The following PCDHGA2 variants were observed in gnomAD, a reference collection of about 807,000 sequenced individuals.
The protein encoded by PCDHGA2 is protocadherin gamma-A2.
A neutral mutation model predicts 59.2 loss-of-function variants in PCDHGA2; 40 were observed. The ratio of observed to expected loss-of-function variants is 0.68; its 90% confidence interval spans 0.52 to 0.88. PCDHGA2 has a LOEUF of 0.88. PCDHGA2 is among the 40% of genes least tolerant of loss of function. PCDHGA2 has a pLI of 0.00. For synonymous variants in PCDHGA2, 560 were observed against 526.0 expected (o/e 1.06, Z -0.89); for missense variants, 1,226 against 1,204.0 (o/e 1.02, Z -0.27).
At chr5:141,419,413 C>T (rs568417008) in intron 1 of PCDHGA2, 4 of 1,613,444 alleles carry the variant, frequency 2.5e-6, no homozygotes, top group African/African-American at 1.3e-5. Flanking sequence ...TCGCGCAGCG[C>T]GCCTTCGACC....
At position 141,422,169 on chromosome 5, in the gene PCDHGA2, A is replaced by G. The variant is rs1386896405; in HGVS notation, c.2425-72638A>G. 2.6e-6 allele frequency: 4 copies of G among 1,563,898 alleles called. No homozygotes were observed. In the South Asian group the frequency reaches 4.9e-5, roughly 19 times the overall value. On this transcript the variant is annotated intron_variant, in intron 1 of 3. Coordinates refer to ENST00000394576, the MANE Select transcript of PCDHGA2 (RefSeq NM_018915.4). ...GGTCTCTGGATTTTGAAAAATATAG[A>G]TTCTATGAGATGGAAATTCAAGGCC...
chr5:141,379,798 G>C (rs890822360), intron 1 of PCDHGA2, among the ~76,000 whole-genome samples: 1 of 150,150 alleles, frequency 6.7e-6, no homozygotes, highest in African/African-American at 2.5e-5. Context: ...GCTATCTGAG[G>C]TTTTGAGAGT....
chr5:141,371,930 G>A (rs755224038), intron 1 of PCDHGA2: 5 of 1,613,242 alleles, frequency 3.1e-6, no homozygotes, highest in Non-Finnish European at 3.4e-6. Context: ...CGCGGAGCGG[G>A]GTGGTGTTCG....
intron 1 of PCDHGA2, among the ~76,000 whole-genome samples, chr5:141,359,515 G>T (rs1048749535): frequency 6.7e-6 from 1 of 149,788 alleles, no homozygotes; most frequent in Non-Finnish European, 1.5e-5. Context: ...ACTATATTAT[G>T]GGCCACTAGA....
rs1256415438 is a variant in PCDHGA2 at position 141,340,133 on chromosome 5, G to A, written c.1162G>A (p.Glu388Lys). Residue 388 changes from glutamate to lysine, a missense_variant, in exon 1 of 4, where the codon GAG (glutamate) becomes AAG (lysine). By Grantham distance (56) the Glu-to-Lys change is moderately conservative (BLOSUM62 1). Transcript: ENST00000394576. ...CGCATTCACCACCTGTTCACTCCCCGAGGATCTTCCTTTTAAGTTAGAAAA... is the reference window on the plus strand; with the variant it reads ...CGCATTCACCACCTGTTCACTCCCCAAGGATCTTCCTTTTAAGTTAGAAAA... ...QNAFTTCSLP[E>K]DLPFKLEKSV... 4.3e-6 allele frequency: 7 copies of A among 1,614,008 alleles called. No homozygotes were observed. The Admixed American group carries it at 6.7e-5, about 15-fold the overall frequency.
At chr5:141,403,119 C>T in intron 1 of PCDHGA2, 1 of 1,614,060 alleles carries the variant, frequency 6.2e-7, no homozygotes, top group Non-Finnish European at 8.5e-7. Flanking sequence ...GCTCTGGAGC[C>T]CCGGGAGCTG....
intron 1 of PCDHGA2, chr5:141,361,429 CT>C (rs1482973199): frequency 6.2e-6 from 10 of 1,613,948 alleles, no homozygotes; most frequent in Non-Finnish European, 8.5e-6. Context: ...CAAGCCGCCC[CT>C]CTCCTCCAGC....
chr5:141,432,652 C>T lies in PCDHGA2; in HGVS notation c.2425-62155C>T, dbSNP rs1004936183. On this transcript the variant is annotated intron_variant, in intron 1 of 3. Transcript: ENST00000394576. This position sits in a 1 kb window ranked among gnomAD's most constrained non-coding sequence, Gnocchi z 6.0. ...CGGGCGAGGTGCGCACGGCGCGAGC[C>T]CTGCTGGACAGAGACGCGCTCAAGC... The T allele has an allele frequency of 6.2e-7, 1 of 1,613,836 alleles. No individual in the cohort carries two copies. Among genetic ancestry groups the T allele is most frequent in the East Asian group, 2.2e-5 (1 of 44,860 alleles).
chr5:141,348,521 T>G (rs1758136686), intron 1 of PCDHGA2, among the ~76,000 whole-genome samples: 1 of 152,218 alleles, frequency 6.6e-6, no homozygotes, highest in East Asian at 1.9e-4. Flanking sequence ...AGGGGAAATT[T>G]GGATGCTCAA....
In PCDHGA2 at chr5:141,491,928, G is replaced by T; in HGVS notation, c.2425-2879G>T. 1 of 1,301,482 alleles carries T rather than the reference G, an allele frequency of 7.7e-7. No homozygotes were observed. Among genetic ancestry groups the T allele is most frequent in the South Asian group, 1.6e-5 (1 of 63,466 alleles). 80.6% of individuals were successfully genotyped at this position (1,301,482 alleles called of 1,614,324 possible). A position where few individuals can be genotyped will look rare whatever the true frequency, so the allele number is the denominator to read the frequency against. On this transcript the variant is annotated intron_variant, in intron 1 of 3. Coordinates refer to ENST00000394576, the MANE Select transcript of PCDHGA2 (RefSeq NM_018915.4). The surrounding 1 kb of genome is among the most constrained non-coding windows in gnomAD (Gnocchi z 6.9). ...TGGTGGCGACTGTGGGCGAGGGGAG[G>T]TGGGACCGACCCCCACCCCTACACT... is the stretch of plus-strand genomic sequence containing the variant.
At chr5:141,430,584 G>A (rs1451886397) in intron 1 of PCDHGA2, 3 of 495,136 alleles carry the variant, frequency 6.1e-6, no homozygotes, top group African/African-American at 5.9e-5. Flanking sequence ...GATCCTGCTC[G>A]CCTTGCACGC....
In PCDHGA2 at chr5:141,404,421, C is replaced by G. The variant is rs199749783; in HGVS notation, c.2424+63026C>G. On this transcript the variant is annotated intron_variant, in intron 1 of 3. Coordinates refer to ENST00000394576, the MANE Select transcript of PCDHGA2 (RefSeq NM_018915.4). ...AATGAGAATTCTAGAGTTATTTACT[C>G]CTTGGCAGAGGATACCATCCAAGGG... 462 of 1,613,692 alleles carry G rather than the reference C, an allele frequency of 2.9e-4. 1 individual carries two copies. The African/African-American group carries it at 5.5e-3, about 19-fold the overall frequency.
At chr5:141,380,735 C>T (rs973708229) in intron 1 of PCDHGA2, among the ~76,000 whole-genome samples, 1 of 152,066 alleles carries the variant, frequency 6.6e-6, no homozygotes, top group African/African-American at 2.4e-5. Flanking sequence ...TTCCTTTTCT[C>T]CAAAGAAGGT....
At chr5:141,488,762 C>T (rs1470160100) in intron 1 of PCDHGA2, among the ~76,000 whole-genome samples, 1 of 152,142 alleles carries the variant, frequency 6.6e-6, no homozygotes, top group Non-Finnish European at 1.5e-5. Context: ...TGGGACAGAA[C>T]GCTGAGGAGT....
At chr5:141,408,791 G>C (rs1260366830) in intron 1 of PCDHGA2, 1 of 1,612,540 alleles carries the variant, frequency 6.2e-7, no homozygotes, top group East Asian at 2.2e-5. Context: ...GTTATCTCTG[G>C]AGAAACTCCT....
chr5:141,400,384 G>A (rs1335444355), intron 1 of PCDHGA2: 2 of 1,614,054 alleles, frequency 1.2e-6, no homozygotes, highest in South Asian at 1.1e-5. Flanking sequence ...CCTATGTGTT[G>A]CACATACAGG....
rs1591094034 is a variant in PCDHGA2 at position 141,431,659 on chromosome 5, A to T, written c.2425-63148A>T. 3.7e-6 allele frequency: 6 copies of T among 1,614,246 alleles called. No individual in the cohort carries two copies. The highest frequency in any genetic ancestry group is 3.4e-6 in the Non-Finnish European group (4 of 1,180,036). On this transcript the variant is annotated intron_variant, in intron 1 of 3. Coordinates refer to ENST00000394576, the MANE Select transcript of PCDHGA2 (RefSeq NM_018915.4). This position sits in a 1 kb window ranked among gnomAD's most constrained non-coding sequence, Gnocchi z 4.8. ...TCAAACTAGATTGTAATTCAGGGAC[A>T]ATATCAACAATAGGGGAGTTGGACC...
chr5:141,470,016 C>T (rs116065751), intron 1 of PCDHGA2, among the ~76,000 whole-genome samples: 69 of 152,264 alleles, frequency 4.5e-4, no homozygotes, highest in Non-Finnish European at 7.2e-4. Flanking sequence ...GTAATCCCAG[C>T]TACTCGGGAT....
In PCDHGA2 at chr5:141,340,273, G is replaced by A. The variant is rs369542772; in HGVS notation, c.1302G>A (p.Thr434=). The change falls in exon 1 of 4, where the codon ACG becomes ACA. Residue 434 remains threonine, a synonymous_variant. Transcript: ENST00000394576. ...AKDGGNPSLS[T]DAHILLQVAD... ...ATGGAGGGAACCCCTCCCTGTCCAC[G>A]GATGCTCACATTTTGCTCCAGGTGG... The A allele has an allele frequency of 1.9e-6, 3 of 1,613,942 alleles. No homozygotes were observed. The highest frequency in any genetic ancestry group is 1.7e-5 in the Admixed American group (1 of 59,992).
Sources: gnomAD v4.1 joint callset for allele counts (sites outside exome capture counted in the v4.1 genomes callset) on GRCh38, gnomAD v4.1.1 for gene constraint, Gnocchi (gnomAD v3.1) non-coding constraint, MANE v1.5 for transcripts, NCBI Gene and HGNC (gene_info 2026-07-23, HGNC 2026-07-21) for gene names.